Variants in PPARGC1A observed in about 807,000 individuals in gnomAD.
PPARGC1A encodes the protein PPARG coactivator 1 alpha.
Under a neutral mutation model 88.7 loss-of-function variants are expected in PPARGC1A, and 25 were observed. That is an observed-to-expected ratio of 0.28 (90% confidence interval 0.21 to 0.39). The LOEUF (loss-of-function observed/expected upper bound fraction) is 0.39. Among genes scored for constraint, PPARGC1A ranks in the 10% least tolerant of loss-of-function variants. The pLI is 1.00. For synonymous variants in PPARGC1A, 363 were observed against 355.6 expected, an observed-to-expected ratio of 1.02 and a Z score of -0.24; for missense variants, 880 against 968.7, an observed-to-expected ratio of 0.91 and a Z score of 1.22.
At chr4:24,024,955 T>C in the PPARGC1A span, among the ~76,000 whole-genome samples, 2 of 152,206 alleles carry the variant, frequency 1.3e-5, no homozygotes, top group Non-Finnish European at 1.5e-5. Context: ...GCATGTAGGA[T>C]TTAATTATCT....
chr4:24,424,869 A>C, the PPARGC1A span, among the ~76,000 whole-genome samples: 1 of 152,220 alleles, frequency 6.6e-6, no homozygotes. Context: ...ACCTGCTGGG[A>C]ACATCTAGAA....
the PPARGC1A span, among the ~76,000 whole-genome samples, chr4:24,037,207 A>G: frequency 3.2e-4 from 49 of 152,310 alleles, no homozygotes; most frequent in African/African-American, 1.2e-3. Flanking sequence ...ATTACCTAAC[A>G]TCCAGAGTTT....
At chr4:24,443,508 C>G in the PPARGC1A span, among the ~76,000 whole-genome samples, 2 of 152,102 alleles carry the variant, frequency 1.3e-5, no homozygotes, top group African/African-American at 2.4e-5. Context: ...GGAAACCACA[C>G]CAAAGGCAAT....
chr4:24,127,561 G>A, the PPARGC1A span, among the ~76,000 whole-genome samples: 1 of 151,936 alleles, frequency 6.6e-6, no homozygotes, highest in Non-Finnish European at 1.5e-5. Context: ...GTGCGCGCGT[G>A]TGGATATATA....
the PPARGC1A span, among the ~76,000 whole-genome samples, chr4:24,271,109 T>C: frequency 1.3e-5 from 2 of 152,324 alleles, no homozygotes; most frequent in Non-Finnish European, 1.5e-5. Context: ...AGATATAAGA[T>C]GGTGATTTGT....
At chr4:23,875,587 A>G (rs767106226) in intron 2 of PPARGC1A, among the ~76,000 whole-genome samples, 34 of 151,674 alleles carry the variant, frequency 2.2e-4, no homozygotes, top group South Asian at 6.3e-4. Context: ...TCTTATGAAC[A>G]GCCCGGAATA....
chr4:24,139,888 C>T, the PPARGC1A span, among the ~76,000 whole-genome samples: 275 of 152,270 alleles, frequency 1.8e-3, 8 homozygotes, highest in East Asian at 0.04. Flanking sequence ...CAATTATCCA[C>T]GGGATTAAAC....
intron 12 of PPARGC1A, among the ~76,000 whole-genome samples, chr4:23,797,921 C>G (rs1186319481): frequency 6.6e-6 from 1 of 152,012 alleles, no homozygotes; most frequent in African/African-American, 2.4e-5. Context: ...ATGGCCGGTT[C>G]CTGCCTTAAC....
chr4:24,288,262 T>A, the PPARGC1A span, among the ~76,000 whole-genome samples: 2 of 152,212 alleles, frequency 1.3e-5, no homozygotes, highest in South Asian at 4.1e-4. Flanking sequence ...AGCTTCTTTC[T>A]ACCTTATTAT....
the PPARGC1A span, among the ~76,000 whole-genome samples, chr4:24,136,817 T>C: frequency 2.0e-5 from 3 of 151,998 alleles, no homozygotes; most frequent in African/African-American, 7.2e-5. Flanking sequence ...CTTTAAAAAG[T>C]AATTAAGGTA....
chr4:24,397,234 T>C, the PPARGC1A span, among the ~76,000 whole-genome samples: 162 of 152,320 alleles, frequency 1.1e-3, 2 homozygotes, highest in African/African-American at 3.7e-3. Context: ...CCAGCGTTGA[T>C]AAGAGTGACA....
At chr4:24,463,170 G>A in the PPARGC1A span, among the ~76,000 whole-genome samples, 1 of 152,174 alleles carries the variant, frequency 6.6e-6, no homozygotes, top group South Asian at 2.1e-4. Flanking sequence ...TAAATCGTGG[G>A]ATCTAAAAAT....
chr4:24,430,255 CTTTT>C, the PPARGC1A span, among the ~76,000 whole-genome samples: 6 of 110,752 alleles, frequency 5.4e-5, no homozygotes, highest in Middle Eastern at 5.4e-3. Context: ...TTTTGTATTT[CTTTT>C]TTTTTTTTTT....
the PPARGC1A span, among the ~76,000 whole-genome samples, chr4:24,140,190 A>G: frequency 3.5e-4 from 53 of 152,320 alleles, no homozygotes; most frequent in East Asian, 8.1e-3. Context: ...ATTTGGCCTC[A>G]GCACCACAGC....
the PPARGC1A span, among the ~76,000 whole-genome samples, chr4:23,910,245 AAATAT>A: frequency 3.8e-5 from 4 of 106,160 alleles, no homozygotes; most frequent in South Asian, 7.0e-4. Flanking sequence ...TAATATATAT[AAATAT>A]ATATTATATA....
the PPARGC1A span, among the ~76,000 whole-genome samples, chr4:24,088,366 AAAAG>A: frequency 6.6e-6 from 1 of 152,118 alleles, no homozygotes; most frequent in Non-Finnish European, 1.5e-5. Context: ...TATCTAAAAA[AAAAG>A]AAAGAAGAAG....
In PPARGC1A at chr4:23,813,864, C is replaced by T. The variant is rs1560351543; in HGVS notation, c.1619G>A (p.Cys540Tyr). 6.2e-7 allele frequency: 1 copy of T among 1,613,902 alleles called. No homozygotes were observed. The highest frequency in any genetic ancestry group is 1.3e-5 in the African/African-American group (1 of 74,908). ...TCTACATGGAGAGTTAAAAGAAGAA[C>T]AAGAAGGAGACACATTGAACAATGA... ...SYSLFNVSPS[C>Y]SSFNSPCRDS... The change falls in exon 8 of 13, where the codon TGT becomes TAT. Residue 540 changes from cysteine (C) to tyrosine (Y), a missense_variant. Transcript: ENST00000264867.
chr4:24,034,603 T>TG, the PPARGC1A span, among the ~76,000 whole-genome samples: 1 of 152,306 alleles, frequency 6.6e-6, no homozygotes, highest in African/African-American at 2.4e-5. Context: ...ATTGTGGTAT[T>TG]GAAGAAGCAA....
the PPARGC1A span, among the ~76,000 whole-genome samples, chr4:24,377,195 A>C: frequency 2.0e-5 from 3 of 152,110 alleles, no homozygotes; most frequent in African/African-American, 7.2e-5. Context: ...CAAGGGGAAA[A>C]AAAGAAAGAT....
Sources: gnomAD v4.1 joint callset for allele counts (sites outside exome capture counted in the v4.1 genomes callset) on GRCh38, gnomAD v4.1.1 for gene constraint, MANE v1.5 for transcripts, NCBI Gene and HGNC (gene_info 2026-07-23, HGNC 2026-07-21) for gene names.